The following RXRA variants were observed in gnomAD, a reference collection of about 807,000 sequenced individuals.
RXRA encodes the protein retinoic acid receptor RXR-alpha.
RXRA carries 5 observed loss-of-function variants against 44.5 expected under a neutral mutation model. The ratio of observed to expected loss-of-function variants is 0.11; its 90% CI spans 0.06 to 0.24. The LOEUF is 0.24. Among genes scored for constraint, RXRA ranks in the 10% least tolerant of loss-of-function variants. The pLI is 1.00. For missense variants in RXRA, 412 were observed against 646.5 expected (o/e 0.64, Z 3.93); for synonymous variants, 291 against 271.4 (o/e 1.07, Z -0.71).
At position 134,360,996 on chromosome 9, in the gene RXRA, AGAGCTTTTGGTGTGC is replaced by A. The variant is rs1355655395; in HGVS notation, c.28+34338_28+34352del. Among the ~76,000 whole-genome samples the A allele has an allele frequency of 1.3e-4, 20 of 152,246 alleles. 1 individual carries two copies. In the South Asian group the frequency reaches 3.7e-3, roughly 28 times the overall value. Reference sequence around the variant, plus strand: ...GGGTTCAGTAATCCAGGAGGCCTGGAGAGCTTTTGGTGTGCTGCCCACCTCGGAGCCCGGATGTGG... The same window carrying A: ...GGGTTCAGTAATCCAGGAGGCCTGGATGCCCACCTCGGAGCCCGGATGTGG... On this transcript the variant is annotated intron_variant, in intron 1 of 9. Coordinates refer to ENST00000481739, the MANE Select transcript of RXRA (RefSeq NM_002957.6).
chr9:134,409,407 C>T (rs36027236), intron 4 of RXRA, among the ~76,000 whole-genome samples: 1,760 of 152,250 alleles, frequency 0.012, 28 homozygotes, highest in African/African-American at 0.038. Context: ...AGAGGTGGAG[C>T]GGGGGCATCT....
intron 1 of RXRA, among the ~76,000 whole-genome samples, chr9:134,356,899 C>T (rs1461785676): frequency 3.9e-5 from 6 of 152,308 alleles, no homozygotes; most frequent in Non-Finnish European, 7.4e-5. Flanking sequence ...AAGTGTCTCC[C>T]GACACCTCCG....
At chr9:134,427,016 G>A in intron 6 of RXRA, 8 of 983,978 alleles carry the variant, frequency 8.1e-6, no homozygotes, top group Non-Finnish European at 9.7e-6. Context: ...AGGAGTGGGA[G>A]TGGGCCCGGG....
intron 5 of RXRA, among the ~76,000 whole-genome samples, chr9:134,418,787 G>A (rs1389629758): frequency 1.3e-5 from 2 of 152,174 alleles, no homozygotes; most frequent in Non-Finnish European, 2.9e-5. Context: ...CTGCCCCCAC[G>A]AGGCTGCTGG....
intron 1 of RXRA, among the ~76,000 whole-genome samples, chr9:134,355,877 C>T (rs1041531013): frequency 7.2e-5 from 11 of 152,140 alleles, no homozygotes; most frequent in African/African-American, 2.4e-4. Context: ...CCGCAGGTAC[C>T]CTCTCAGTGG....
In RXRA at chr9:134,368,507, G is replaced by A. The variant is rs144955852; in HGVS notation, c.29-33125G>A. Among the ~76,000 whole-genome samples, 1,369 of 152,344 alleles carry A rather than the reference G, an allele frequency of 9.0e-3. 9 individuals are homozygous for A. Among genetic ancestry groups the A allele is most frequent in the Non-Finnish European group, 0.015 (1,010 of 68,036 alleles). On this transcript the variant is annotated intron_variant, in intron 1 of 9. Coordinates refer to ENST00000481739, the MANE Select transcript of RXRA (RefSeq NM_002957.6). The stretch of plus-strand genomic sequence containing the variant: ...TGGCTGGCTTTGAGCAAAAAGTCAT[G>A]TGTGCCGTTCTGTTAGGGTGTGTGT...
intron 5 of RXRA, among the ~76,000 whole-genome samples, chr9:134,420,436 G>A (rs1258991160): frequency 6.6e-6 from 1 of 152,128 alleles, no homozygotes; most frequent in Non-Finnish European, 1.5e-5. Flanking sequence ...CCACTCAGCC[G>A]AGGGATCCCA....
At chr9:134,375,842 T>G (rs919585460) in intron 1 of RXRA, among the ~76,000 whole-genome samples, 26 of 151,884 alleles carry the variant, frequency 1.7e-4, no homozygotes, top group African/African-American at 4.8e-4. Flanking sequence ...GATGCTGAGA[T>G]TCTGTAAAAC....
chr9:134,384,952 T>A (rs2119109383), intron 1 of RXRA, among the ~76,000 whole-genome samples: 1 of 152,284 alleles, frequency 6.6e-6, no homozygotes, highest in South Asian at 2.1e-4. Context: ...CCTCCAGCCC[T>A]GTGTGACATC....
At chr9:134,379,236 T>G in intron 1 of RXRA, 1 of 945,802 alleles carries the variant, frequency 1.1e-6, no homozygotes. Flanking sequence ...CTGATCCCTG[T>G]GGGCTCCCTG....
intron 1 of RXRA, among the ~76,000 whole-genome samples, chr9:134,369,701 C>G (rs141236187): frequency 6.6e-6 from 1 of 152,008 alleles, no homozygotes; most frequent in Admixed American, 6.5e-5. Context: ...CTGACCTGCT[C>G]GGTGGCCTTG....
chr9:134,421,979 C>T, intron 6 of RXRA, 174 bp downstream of exon 6: 1 of 1,503,250 alleles, frequency 6.7e-7, no homozygotes, highest in Non-Finnish European at 8.9e-7. Flanking sequence ...CTGGGACACA[C>T]TCCTACCTCC....
chr9:134,422,496 C>G, intron 6 of RXRA: 1 of 1,214,686 alleles, frequency 8.2e-7, no homozygotes, highest in Non-Finnish European at 1.1e-6. Flanking sequence ...TCCCCCCTCC[C>G]AGGACACTCC....
At position 134,426,175 on chromosome 9, in the gene RXRA, C is replaced by T. The variant is rs1831431582; in HGVS notation, c.911-2933C>T. ...AGACTCTTTGTCCTGCGCTTGGAGCCTGGAGTAAGACCTGGTATCCTCTGC... is the reference window on the plus strand; with the variant it reads ...AGACTCTTTGTCCTGCGCTTGGAGCTTGGAGTAAGACCTGGTATCCTCTGC... On this transcript the variant is annotated intron_variant, in intron 6 of 9. Transcript: ENST00000481739. The surrounding 1 kb of genome is among the most constrained non-coding windows in gnomAD (Gnocchi z 4.6). The T allele has an allele frequency of 2.0e-6, 2 of 985,400 alleles. No individual in the cohort carries two copies. The highest frequency in any genetic ancestry group is 4.7e-5 in the South Asian group (1 of 21,286). The allele number at this position is 985,400 out of a possible 1,614,324, so 61.0% of individuals were successfully genotyped here.
intron 3 of RXRA, 43 bp from the exon 4 acceptor site, chr9:134,408,897 G>T (rs768714974): frequency 1.4e-6 from 2 of 1,441,178 alleles, no homozygotes; most frequent in Admixed American, 5.3e-5. Flanking sequence ...CTCCCTGCCG[G>T]GGCGGTGGGT....
chr9:134,394,303 C>T (rs118191285), intron 1 of RXRA, among the ~76,000 whole-genome samples: 195 of 100,796 alleles, frequency 1.9e-3, no homozygotes, highest in Non-Finnish European at 3.6e-3. Context: ...TGTCATTGCA[C>T]GCTCGCTGGA....
At chr9:134,386,191 C>T (rs945747452) in intron 1 of RXRA, among the ~76,000 whole-genome samples, 3 of 152,232 alleles carry the variant, frequency 2.0e-5, no homozygotes, top group African/African-American at 7.2e-5. Flanking sequence ...CAGGCACCTC[C>T]CTCAGGCCCC....
intron 1 of RXRA, among the ~76,000 whole-genome samples, chr9:134,362,212 C>T (rs1830360910): frequency 6.6e-6 from 1 of 152,192 alleles, no homozygotes; most frequent in Non-Finnish European, 1.5e-5. Context: ...CTGCTCATGG[C>T]AGCCTCTGCC....
rs149090629 is a variant in RXRA, at chr9:134,401,183, C to T, written c.29-449C>T. Among the ~76,000 whole-genome samples the T allele has an allele frequency of 1.4e-4, 22 of 152,370 alleles. No homozygotes were observed. The East Asian group carries it at 3.1e-3, about 21-fold the overall frequency. ...CAGGTCCTGGTACACGGCAGGTGCT[C>T]GGCGACATCAGCCTTTCTGCCTTTC... On this transcript the variant is annotated intron_variant, in intron 1 of 9. Coordinates refer to ENST00000481739, the MANE Select transcript of RXRA (RefSeq NM_002957.6).
Sources: gnomAD v4.1 joint callset for allele counts (sites outside exome capture counted in the v4.1 genomes callset) on GRCh38, gnomAD v4.1.1 for gene constraint, Gnocchi (gnomAD v3.1) non-coding constraint, MANE v1.5 for transcripts, NCBI Gene and HGNC (gene_info 2026-07-23, HGNC 2026-07-21) for gene names.